Variants in RYR2 observed in about 807,000 individuals in gnomAD.
The protein encoded by RYR2 is ryanodine receptor 2.
RYR2 carries 227 observed loss-of-function variants against 601.1 expected under a neutral mutation model. The observed-to-expected ratio is 0.38, with a 90% CI of 0.34 to 0.42. RYR2 has a LOEUF of 0.42. RYR2 is among the 10% of genes least tolerant of loss of function. The pLI, the probability that RYR2 is intolerant of heterozygous loss-of-function variation, is 1.00. For missense variants in RYR2, 4,646 were observed against 6,156.5 expected (o/e 0.75, Z 8.21); for synonymous variants, 2,223 against 2,175.1 (o/e 1.02, Z -0.61).
rs184644911 is a variant in RYR2 at position 237,819,944 on chromosome 1, T to G, written c.14590+752T>G. On this transcript the variant is annotated intron_variant, in intron 101 of 104. Coordinates refer to ENST00000366574, the MANE Select transcript of RYR2 (RefSeq NM_001035.3). The surrounding 1 kb of genome is among the most constrained non-coding windows in gnomAD (Gnocchi z 4.0). ...GCTCACGCCTGTAATCCCAGCACTT[T>G]GAGAGACTGAGGTGGGTGGATCACT... Among the ~76,000 whole-genome samples, 4 of 151,992 alleles carry G rather than the reference T, an allele frequency of 2.6e-5. No individual in the cohort carries two copies. Among genetic ancestry groups the G allele is most frequent in the East Asian group, 1.9e-4 (1 of 5,164 alleles).
chr1:237,377,493 A>C, intron 8 of RYR2, 58 bp downstream of exon 8: 1 of 1,291,816 alleles, frequency 7.7e-7, no homozygotes, highest in Non-Finnish European at 1.1e-6. Context: ...AAGTCAATAA[A>C]ATGATCTCTT....
At chr1:237,703,906 T>G (rs1051575524) in intron 66 of RYR2, among the ~76,000 whole-genome samples, 1 of 151,998 alleles carries the variant, frequency 6.6e-6, no homozygotes, top group Non-Finnish European at 1.5e-5. Context: ...GATACAGAAA[T>G]AAACAAGATA....
At chr1:237,802,323 C>T (rs1164289546) in intron 98 of RYR2, 4 of 153,232 alleles carry the variant, frequency 2.6e-5, no homozygotes, top group African/African-American at 7.2e-5. Context: ...TTTTTATTCT[C>T]CTTTTACCAA....
At chr1:237,381,295 C>T (rs1307496902) in intron 8 of RYR2, among the ~76,000 whole-genome samples, 1 of 137,554 alleles carries the variant, frequency 7.3e-6, no homozygotes, top group Non-Finnish European at 1.6e-5. Flanking sequence ...AAAGAAACAG[C>T]AGATATTTAA....
chr1:237,175,758 G>T (rs1677964840), intron 1 of RYR2, among the ~76,000 whole-genome samples: 1 of 152,060 alleles, frequency 6.6e-6, no homozygotes, highest in Non-Finnish European at 1.5e-5. Flanking sequence ...TGGGTTCCAG[G>T]TTCACTCTGG....
At chr1:237,447,580 T>G (rs1657524883) in intron 14 of RYR2, among the ~76,000 whole-genome samples, 1 of 152,198 alleles carries the variant, frequency 6.6e-6, no homozygotes, top group Non-Finnish European at 1.5e-5. Context: ...TGAAAAGATT[T>G]TCTGATTCCC....
chr1:237,503,208 A>AT, intron 21 of RYR2, 81 bp from the exon 22 acceptor site: 2 of 1,311,350 alleles, frequency 1.5e-6, no homozygotes, highest in Non-Finnish European at 2.1e-6. Context: ...TGTACTAACA[A>AT]TTTTTCCCTA....
chr1:237,803,280 A>G (rs1660186024), intron 98 of RYR2, among the ~76,000 whole-genome samples: 1 of 151,336 alleles, frequency 6.6e-6, no homozygotes, highest in Non-Finnish European at 1.5e-5. Flanking sequence ...TATGCCCATA[A>G]ATTTTCCTTT....
At chr1:237,086,555 T>A (rs570812112) in intron 1 of RYR2, among the ~76,000 whole-genome samples, 129 of 152,292 alleles carry the variant, frequency 8.5e-4, no homozygotes, top group African/African-American at 3.0e-3. Flanking sequence ...GTTACCTTTA[T>A]CTTACTATGG....
chr1:237,609,536 T>C (rs543025154), intron 35 of RYR2, among the ~76,000 whole-genome samples: 1 of 152,124 alleles, frequency 6.6e-6, no homozygotes, highest in South Asian at 2.1e-4. Context: ...TTTTTGTTTT[T>C]TTTTACAGGC....
At chr1:237,566,859 AC>A in intron 28 of RYR2, 84 bp downstream of exon 28, 2 of 1,371,948 alleles carry the variant, frequency 1.5e-6, no homozygotes, top group Non-Finnish European at 2.1e-6. Flanking sequence ...GCTTCACAGT[AC>A]CAGTGTTTCC....
intron 94 of RYR2, 49 bp downstream of exon 94, chr1:237,792,372 T>TGCGCGA: frequency 1.1e-6 from 1 of 896,932 alleles, no homozygotes; most frequent in Non-Finnish European, 1.6e-6. Flanking sequence ...TGTGTGTGTG[T>TGCGCGA]GTGTGTGTGC....
intron 98 of RYR2, among the ~76,000 whole-genome samples, chr1:237,804,500 C>T (rs1019824509): frequency 3.3e-5 from 5 of 152,128 alleles, no homozygotes; most frequent in African/African-American, 7.2e-5. Flanking sequence ...TCTGACTCCA[C>T]TAGCAAAACA....
chr1:237,074,530 G>T (rs770324456), intron 1 of RYR2, among the ~76,000 whole-genome samples: 4 of 152,124 alleles, frequency 2.6e-5, no homozygotes, highest in Non-Finnish European at 5.9e-5. Flanking sequence ...TCCCTCCAAA[G>T]TCACCTGCTT....
chr1:237,354,340 A>AGT (rs143781995), intron 3 of RYR2, among the ~76,000 whole-genome samples: 11,856 of 149,440 alleles, frequency 0.079, 594 homozygotes, highest in Non-Finnish European at 0.12. Context: ...CACTGATGGG[A>AGT]GTGTGTGTGT....
Position 237,137,524 on chromosome 1 carries a change from A to G in RYR2, c.48+94955A>G, listed in dbSNP as rs566605616. Among the ~76,000 whole-genome samples the G allele has an allele frequency of 1.2e-3, 177 of 152,322 alleles. 1 individual carries two copies. The highest frequency in any genetic ancestry group is 4.0e-3 in the African/African-American group (165 of 41,570). On this transcript the variant is annotated intron_variant, in intron 1 of 104. Coordinates refer to ENST00000366574, the MANE Select transcript of RYR2 (RefSeq NM_001035.3). ...TGACAAGAATGTCAAAGAGTTTATG[A>G]TCTTGCAATAAATGTAATTTTCCGT...
chr1:237,806,121 C>G lies in RYR2; in HGVS notation c.14152-16C>G, dbSNP rs764414769. 42 of 1,610,450 alleles carry G rather than the reference C, an allele frequency of 2.6e-5. No homozygotes were observed. The highest frequency in any genetic ancestry group is 3.2e-5 in the Non-Finnish European group (38 of 1,177,520). On this transcript the variant is annotated splice_polypyrimidine_tract_variant and intron_variant, in intron 98 of 104. Transcript: ENST00000366574. ...TGTTTTCTGACATGTTCTTTCCCCC[C>G]GTTTTGTCTTAATAGTCCTTCCTCT...
chr1:237,643,981 TTA>T (rs553192983), intron 48 of RYR2, among the ~76,000 whole-genome samples: 140 of 152,324 alleles, frequency 9.2e-4, no homozygotes, highest in South Asian at 1.7e-3. Context: ...TAATTTTCTT[TTA>T]TATGACATTT....
intron 1 of RYR2, among the ~76,000 whole-genome samples, chr1:237,244,751 T>C (rs1031096645): frequency 1.3e-5 from 2 of 152,144 alleles, no homozygotes; most frequent in African/African-American, 4.8e-5. Flanking sequence ...TCCTCCTGTA[T>C]GTCTGTGTCC....
Sources: gnomAD v4.1 joint callset for allele counts (sites outside exome capture counted in the v4.1 genomes callset) on GRCh38, gnomAD v4.1.1 for gene constraint, Gnocchi (gnomAD v3.1) non-coding constraint, MANE v1.5 for transcripts, NCBI Gene and HGNC (gene_info 2026-07-23, HGNC 2026-07-21) for gene names.